SHLD1: variants seen among roughly 807,000 people sequenced by gnomAD.
SHLD1 encodes the protein RINN1-REV7-interacting novel NHEJ regulator 3.
SHLD1 carries 3 observed loss-of-function variants against 5.5 expected under a neutral mutation model. The observed-to-expected ratio is 0.54, with a 90% CI of 0.25 to 1.40. The LOEUF (loss-of-function observed/expected upper bound fraction) is 1.40. SHLD1 is among the 40% of genes most tolerant of loss of function. The pLI is 0.15. For missense variants in SHLD1, 210 were observed against 244.4 expected, an observed-to-expected ratio of 0.86 and a Z score of 0.94; for synonymous variants, 92 against 94.3, an observed-to-expected ratio of 0.98 and a Z score of 0.14.
chr20:5,830,593 C>G (rs551887181), intron 2 of SHLD1, among the ~76,000 whole-genome samples: 1 of 151,402 alleles, frequency 6.6e-6, no homozygotes, highest in South Asian at 2.1e-4. Context: ...GAGGCTGAGG[C>G]AGGAGAATTG....
chr20:5,850,268 A>G (rs1283170579), intron 2 of SHLD1, among the ~76,000 whole-genome samples: 1 of 151,722 alleles, frequency 6.6e-6, no homozygotes, highest in East Asian at 1.9e-4. Context: ...CCTGAAGTTG[A>G]AAGGTTAGCA....
chr20:5,764,113 C>CTTTTATT (rs2122209205), intron 1 of SHLD1, among the ~76,000 whole-genome samples: 1 of 96,720 alleles, frequency 1.0e-5, no homozygotes, highest in Non-Finnish European at 1.9e-5. Context: ...GGTGACAGAG[C>CTTTTATT]AAGGCTCTGT....
At chr20:5,803,712 T>TA (rs11477967) in intron 2 of SHLD1, among the ~76,000 whole-genome samples, 2,283 of 147,696 alleles carry the variant, frequency 0.015, 32 homozygotes, top group Middle Eastern at 0.12. Flanking sequence ...CTACTAAAAA[T>TA]AAAAAAAAAA....
intron 2 of SHLD1, among the ~76,000 whole-genome samples, chr20:5,775,923 A>ATTT (rs533313849): frequency 0.027 from 2,132 of 77,612 alleles, 334 homozygotes; most frequent in Non-Finnish European, 0.036. Context: ...TCAGCTCAGG[A>ATTT]TTTTTTTTTT....
intron 2 of SHLD1, among the ~76,000 whole-genome samples, chr20:5,779,187 G>A (rs941021341): frequency 6.6e-5 from 10 of 150,726 alleles, no homozygotes; most frequent in African/African-American, 2.0e-4. Flanking sequence ...GGGCAACAGA[G>A]TGAGACTCTG....
At chr20:5,793,646 T>TG (rs1337284240) in intron 2 of SHLD1, among the ~76,000 whole-genome samples, 1 of 152,246 alleles carries the variant, frequency 6.6e-6, no homozygotes, top group African/African-American at 2.4e-5. Flanking sequence ...TGAAACAAGA[T>TG]GATAGCTCTA....
chr20:5,835,974 C>T (rs905339337), intron 2 of SHLD1, among the ~76,000 whole-genome samples: 1 of 152,184 alleles, frequency 6.6e-6, no homozygotes, highest in Non-Finnish European at 1.5e-5. Context: ...CATGACCGAT[C>T]GGAGGTTAAA....
chr20:5,785,784 A>G (rs143805308), intron 2 of SHLD1, among the ~76,000 whole-genome samples: 48 of 147,338 alleles, frequency 3.3e-4, no homozygotes, highest in African/African-American at 1.2e-3. Flanking sequence ...TAACAGAGTA[A>G]GACTCCGTCT....
At chr20:5,768,902 TTG>T (rs75093335) in intron 1 of SHLD1, among the ~76,000 whole-genome samples, 1 of 134,282 alleles carries the variant, frequency 7.4e-6, no homozygotes, top group African/African-American at 3.0e-5. Context: ...TCTCATGTAA[TTG>T]TTTTTTTTTT....
At chr20:5,784,444 T>C (rs1384173361) in intron 2 of SHLD1, among the ~76,000 whole-genome samples, 2 of 151,828 alleles carry the variant, frequency 1.3e-5, no homozygotes, top group Non-Finnish European at 2.9e-5. Context: ...TATTTATTTA[T>C]TTTTAATTTT....
Position 5,787,937 on chromosome 20 carries a change from C to T in SHLD1, c.178+14894C>T, listed in dbSNP as rs1408118178. Among the ~76,000 whole-genome samples the T allele has an allele frequency of 2.0e-5, 3 of 152,200 alleles. No individual in the cohort carries two copies. In the East Asian group the frequency reaches 5.8e-4, roughly 29 times the overall value. On this transcript the variant is annotated intron_variant, in intron 2 of 2. Coordinates refer to ENST00000303142, the MANE Select transcript of SHLD1 (RefSeq NM_152504.4). ...GTCAACTAGTCTCTCTCAAAAGCCC[C>T]TGGCTTTTTTTCCTTGAAAAGAAAA...
At chr20:5,824,514 A>T (rs2087643656) in intron 2 of SHLD1, among the ~76,000 whole-genome samples, 1 of 152,210 alleles carries the variant, frequency 6.6e-6, no homozygotes, top group Non-Finnish European at 1.5e-5. Flanking sequence ...TCCAGCACCT[A>T]GAATAAGCCT....
chr20:5,840,686 T>G (rs2087847249), intron 2 of SHLD1, among the ~76,000 whole-genome samples: 1 of 152,222 alleles, frequency 6.6e-6, no homozygotes. Flanking sequence ...GCTGAATGGT[T>G]TAAGAAGTAA....
chr20:5,764,019 C>T lies in SHLD1; in HGVS notation c.-4-8843C>T, dbSNP rs575305813. ...ACATGCACCTGTAATCCCAGCTACT[C>T]GGGAGACTGAGGCAGGATAATTGCT... is the stretch of plus-strand genomic sequence containing the variant. On this transcript the variant is annotated intron_variant, in intron 1 of 2. Coordinates refer to ENST00000303142, the MANE Select transcript of SHLD1 (RefSeq NM_152504.4). Among the ~76,000 whole-genome samples, 493 of 145,272 alleles carry T rather than the reference C, an allele frequency of 3.4e-3. 1 individual carries two copies. The highest frequency in any genetic ancestry group is 0.011 in the African/African-American group (442 of 39,484).
intron 2 of SHLD1, among the ~76,000 whole-genome samples, chr20:5,812,493 C>T (rs759917960): frequency 2.6e-5 from 4 of 152,064 alleles, no homozygotes; most frequent in Admixed American, 6.6e-5. Flanking sequence ...CTAAAAATTC[C>T]GACAATTTTT....
At chr20:5,790,901 G>T (rs961246804) in intron 2 of SHLD1, among the ~76,000 whole-genome samples, 30 of 152,190 alleles carry the variant, frequency 2.0e-4, no homozygotes, top group Admixed American at 1.8e-3. Context: ...GGTGGCTCAC[G>T]CCTGTACTCC....
chr20:5,842,819 T>C (rs938706952), intron 2 of SHLD1, among the ~76,000 whole-genome samples: 16 of 152,218 alleles, frequency 1.1e-4, no homozygotes, highest in African/African-American at 3.9e-4. Flanking sequence ...ATTTTTTCTT[T>C]TTCTGTAATT....
At chr20:5,846,001 T>G (rs938213813) in intron 2 of SHLD1, among the ~76,000 whole-genome samples, 1 of 152,212 alleles carries the variant, frequency 6.6e-6, no homozygotes, top group African/African-American at 2.4e-5. Flanking sequence ...CGACTTGATA[T>G]GGAATGAAAT....
intron 2 of SHLD1, among the ~76,000 whole-genome samples, chr20:5,842,681 C>A (rs1022511547): frequency 1.1e-3 from 170 of 151,898 alleles, no homozygotes; most frequent in African/African-American, 3.8e-3. Context: ...TTATTTTTTT[C>A]TCTATCTCTC....
Sources: allele counts gnomAD v4.1 joint callset (sites outside exome capture counted in the v4.1 genomes callset), GRCh38; gene constraint gnomAD v4.1.1; transcripts MANE v1.5; gene names NCBI Gene and HGNC (gene_info 2026-07-23, HGNC 2026-07-21).